The following PTPRT variants were observed in gnomAD, a reference collection of about 807,000 sequenced individuals.
The protein encoded by PTPRT is protein tyrosine phosphatase receptor type T.
PTPRT carries 56 observed loss-of-function variants against 176.8 expected under a neutral mutation model. The observed-to-expected ratio is 0.32, with a 90% CI of 0.26 to 0.40. The LOEUF is 0.40. Ranked by LOEUF, PTPRT falls within the 10% of genes least tolerant of loss-of-function variation. The pLI is 1.00. For synonymous variants in PTPRT, 783 were observed against 739.0 expected, an observed-to-expected ratio of 1.06 and a Z score of -0.96; for missense variants, 1,540 against 1,908.2, an observed-to-expected ratio of 0.81 and a Z score of 3.60.
At chr20:42,834,556 A>G (rs2078148367) in intron 2 of PTPRT, among the ~76,000 whole-genome samples, 1 of 152,186 alleles carries the variant, frequency 6.6e-6, no homozygotes, top group African/African-American at 2.4e-5. Context: ...AAAAACCGGT[A>G]TGCTGACATT....
At chr20:42,039,692 G>GTATATATATGTATATATATATATA in the PTPRT span, among the ~76,000 whole-genome samples, 1 of 113,206 alleles carries the variant, frequency 8.8e-6, no homozygotes, top group Non-Finnish European at 2.0e-5. Flanking sequence ...ATTCTGTTGT[G>GTATATATATGTATATATATATATA]TATATATATA....
chr20:43,071,662 G>A, intron 1 of PTPRT, among the ~76,000 whole-genome samples: 1 of 144,496 alleles, frequency 6.9e-6, no homozygotes, highest in Admixed American at 6.7e-5. Flanking sequence ...GCACATGCCT[G>A]TAATCCCAGC....
At chr20:42,774,894 C>CAT (rs1443724453) in intron 4 of PTPRT, among the ~76,000 whole-genome samples, 63 of 152,272 alleles carry the variant, frequency 4.1e-4, no homozygotes, top group African/African-American at 1.5e-3. Context: ...GGTCCTCTTC[C>CAT]CTGCGTTCCT....
Position 42,076,887 on chromosome 20 carries a change from C to T in PTPRT, c.*3992G>A, listed in dbSNP as rs891204275. 5.0e-5 allele frequency: 10 copies of T among 198,978 alleles called. No individual in the cohort carries two copies. Among genetic ancestry groups the T allele is most frequent in the African/African-American group, 9.2e-5 (4 of 43,424 alleles). The allele number at this position is 198,978 out of a possible 1,614,324, so 12.3% of individuals were successfully genotyped here. On this transcript the variant is annotated 3_prime_UTR_variant, in exon 31 of 31. Transcript: ENST00000373187. ...GTTTGCTTTGAGCTTTATCCACTGA[C>T]GTATCTGTTCCACTCTAGTCTCTTC...
At chr20:42,755,340 A>G (rs1454834846) in intron 6 of PTPRT, among the ~76,000 whole-genome samples, 1 of 152,204 alleles carries the variant, frequency 6.6e-6, no homozygotes, top group African/African-American at 2.4e-5. Context: ...ATACTTTGAC[A>G]AAGGAAACTA....
At chr20:42,690,022 A>G (rs529513737) in intron 6 of PTPRT, among the ~76,000 whole-genome samples, 5 of 152,314 alleles carry the variant, frequency 3.3e-5, no homozygotes, top group East Asian at 3.9e-4. Flanking sequence ...GGAGGATGTT[A>G]GGGAAGGCTT....
Position 42,391,800 on chromosome 20 carries a change from T to C in PTPRT, c.1561-39515A>G, listed in dbSNP as rs575681707. Among the ~76,000 whole-genome samples, 6 of 152,338 alleles carry C rather than the reference T, an allele frequency of 3.9e-5. No individual in the cohort carries two copies. In the East Asian group the frequency reaches 1.2e-3, roughly 29 times the overall value. Reference sequence around the variant, plus strand: ...GCAAGTCCTACATACTGAAAACAGATGTAAATGCTCTGTCCTATAACTAAA... The same window carrying C: ...GCAAGTCCTACATACTGAAAACAGACGTAAATGCTCTGTCCTATAACTAAA... On this transcript the variant is annotated intron_variant, in intron 9 of 30. Coordinates refer to ENST00000373187, the MANE Select transcript of PTPRT (RefSeq NM_007050.6).
chr20:42,229,316 C>T (rs943626186), intron 15 of PTPRT, among the ~76,000 whole-genome samples: 2 of 152,224 alleles, frequency 1.3e-5, no homozygotes, highest in Non-Finnish European at 2.9e-5. Context: ...CTGCTAGTAA[C>T]CACTTTAGTC....
intron 1 of PTPRT, among the ~76,000 whole-genome samples, chr20:43,086,586 G>A (rs1050090870): frequency 6.6e-6 from 1 of 152,144 alleles, no homozygotes; most frequent in African/African-American, 2.4e-5. Flanking sequence ...CACCAAGCGT[G>A]AATTACTAAT....
At chr20:43,139,580 G>A (rs1051473815) in intron 1 of PTPRT, among the ~76,000 whole-genome samples, 16 of 152,132 alleles carry the variant, frequency 1.1e-4, no homozygotes, top group Non-Finnish European at 1.6e-4. Flanking sequence ...CTAATGGCCC[G>A]TCCCTCGACA....
intron 7 of PTPRT, among the ~76,000 whole-genome samples, chr20:42,665,531 G>A (rs1201609714): frequency 6.6e-6 from 1 of 152,166 alleles, no homozygotes; most frequent in African/African-American, 2.4e-5. Flanking sequence ...GGAAGACAGT[G>A]TGGCGATTCC....
chr20:43,117,319 C>T (rs148426226), intron 1 of PTPRT, among the ~76,000 whole-genome samples: 9 of 152,272 alleles, frequency 5.9e-5, no homozygotes, highest in East Asian at 3.9e-4. Context: ...TTGGATCCAA[C>T]GCAGAAAGCT....
At chr20:42,730,076 C>T (rs2076437609) in intron 6 of PTPRT, among the ~76,000 whole-genome samples, 1 of 152,192 alleles carries the variant, frequency 6.6e-6, no homozygotes, top group South Asian at 2.1e-4. Context: ...GAAAGTATGA[C>T]ACCAAACACA....
chr20:42,135,845 C>A (rs540737900), intron 18 of PTPRT, among the ~76,000 whole-genome samples: 1 of 152,224 alleles, frequency 6.6e-6, no homozygotes, highest in African/African-American at 2.4e-5. Context: ...GGGATGAGGG[C>A]TTCTTTATAG....
At chr20:42,628,724 C>T (rs1340797152) in intron 7 of PTPRT, among the ~76,000 whole-genome samples, 1 of 152,058 alleles carries the variant, frequency 6.6e-6, no homozygotes, top group East Asian at 1.9e-4. Context: ...TGTGTCTTGT[C>T]CAAGATTCAG....
intron 2 of PTPRT, among the ~76,000 whole-genome samples, chr20:42,815,265 T>C (rs891098214): frequency 6.6e-6 from 1 of 151,950 alleles, no homozygotes; most frequent in Non-Finnish European, 1.5e-5. Flanking sequence ...TGGTCAATTG[T>C]GTCCTCTTAT....
At chr20:42,322,006 G>A (rs1375898330) in intron 11 of PTPRT, among the ~76,000 whole-genome samples, 1 of 152,158 alleles carries the variant, frequency 6.6e-6, no homozygotes, top group African/African-American at 2.4e-5. Flanking sequence ...CCGGAAGGCA[G>A]AGCTGCAGTT....
intron 1 of PTPRT, among the ~76,000 whole-genome samples, chr20:42,939,868 T>G (rs954974832): frequency 6.6e-6 from 1 of 152,228 alleles, no homozygotes; most frequent in Non-Finnish European, 1.5e-5. Context: ...TACCTTCATC[T>G]GTCTATCTAA....
intron 5 of PTPRT, among the ~76,000 whole-genome samples, chr20:42,765,755 TTAA>T (rs1165169828): frequency 1.3e-5 from 2 of 152,044 alleles, no homozygotes; most frequent in African/African-American, 4.8e-5. Context: ...TTCATAAAGC[TTAA>T]TATTATATGA....
Sources: allele counts gnomAD v4.1 joint callset (sites outside exome capture counted in the v4.1 genomes callset), GRCh38; gene constraint gnomAD v4.1.1; transcripts MANE v1.5; gene names NCBI Gene and HGNC (gene_info 2026-07-23, HGNC 2026-07-21).